The following SHTN1 variants were observed in gnomAD, a reference collection of about 807,000 sequenced individuals.
SHTN1 encodes the protein shootin-1.
In SHTN1, 42 loss-of-function variants were observed where a neutral mutation model predicts 83.1. That is an observed-to-expected ratio of 0.51 (90% confidence interval 0.39 to 0.65). The LOEUF is 0.65. Ranked by LOEUF, SHTN1 falls within the 30% of genes least tolerant of loss-of-function variation. The pLI is 0.00. For missense variants in SHTN1, 622 were observed against 737.8 expected, an observed-to-expected ratio of 0.84 and a Z score of 1.82; for synonymous variants, 224 against 247.7, an observed-to-expected ratio of 0.90 and a Z score of 0.90.
intron 3 of SHTN1, among the ~76,000 whole-genome samples, chr10:116,967,627 A>G (rs191346999): frequency 1.1e-3 from 165 of 152,240 alleles, no homozygotes; most frequent in Admixed American, 3.4e-3. Flanking sequence ...ACGTAACGTA[A>G]GATCTACCCT....
At chr10:116,893,987 A>C (rs1372926797) in intron 16 of SHTN1, among the ~76,000 whole-genome samples, 1 of 152,230 alleles carries the variant, frequency 6.6e-6, no homozygotes, top group East Asian at 1.9e-4. Context: ...TTTCTACATT[A>C]GTTTCACATC....
upstream of SHTN1, chr10:117,005,379 C>A: frequency 1.7e-6 from 2 of 1,187,954 alleles, no homozygotes; most frequent in Non-Finnish European, 2.1e-6. Flanking sequence ...GCTGCCGGCG[C>A]GGCAGGACGC....
At chr10:117,025,321 T>C (rs529727460) in intron 2 of SHTN1, among the ~76,000 whole-genome samples, 1 of 152,316 alleles carries the variant, frequency 6.6e-6, no homozygotes, top group East Asian at 1.9e-4. Flanking sequence ...ACTCAGCTGA[T>C]GCTCACCCAT....
chr10:116,979,049 C>A (rs939464396), intron 2 of SHTN1, among the ~76,000 whole-genome samples: 1 of 152,204 alleles, frequency 6.6e-6, no homozygotes, highest in Non-Finnish European at 1.5e-5. Flanking sequence ...CAGAGCTGCA[C>A]CCACTGTGGC....
intron 15 of SHTN1, among the ~76,000 whole-genome samples, chr10:116,904,896 A>G (rs1847900422): frequency 6.6e-6 from 1 of 152,198 alleles, no homozygotes; most frequent in Admixed American, 6.5e-5. Flanking sequence ...GCACATCAAC[A>G]AAGTCCTTAA....
intron 16 of SHTN1, among the ~76,000 whole-genome samples, chr10:116,899,688 G>C (rs888950902): frequency 1.3e-5 from 2 of 152,160 alleles, no homozygotes; most frequent in African/African-American, 2.4e-5. Context: ...TGTTGCCACA[G>C]ACAAAATAGA....
chr10:117,110,109 C>T (rs528909390), intron 1 of SHTN1, among the ~76,000 whole-genome samples: 1 of 152,296 alleles, frequency 6.6e-6, no homozygotes, highest in African/African-American at 2.4e-5. Flanking sequence ...TAACATCTCT[C>T]ATATCCCTCA....
chr10:116,997,204 A>C (rs1159645062), intron 1 of SHTN1, among the ~76,000 whole-genome samples: 1 of 152,178 alleles, frequency 6.6e-6, no homozygotes, highest in Non-Finnish European at 1.5e-5. Flanking sequence ...GTTTCCCCAT[A>C]AACTCACCTT....
chr10:117,099,003 T>A (rs922026937), intron 1 of SHTN1, among the ~76,000 whole-genome samples: 5 of 50,258 alleles, frequency 9.9e-5, no homozygotes, highest in Non-Finnish European at 2.2e-4. Flanking sequence ...GAAAATGTGG[T>A]ATGTATACAC....
chr10:116,932,024 C>A lies in SHTN1; in HGVS notation c.859-2022G>T, dbSNP rs536510365. On this transcript the variant is annotated intron_variant, in intron 9 of 16. Coordinates refer to ENST00000355371, the MANE Select transcript of SHTN1 (RefSeq NM_001127211.3). Reference sequence around the variant, plus strand: ...GGTTTGAGATAGTTTTTCGACTTTACAATGGTGTGAAAGCGACATGCATTC... The same window carrying A: ...GGTTTGAGATAGTTTTTCGACTTTAAAATGGTGTGAAAGCGACATGCATTC... 7.4e-4 allele frequency among the ~76,000 whole-genome samples: 112 copies of A among 152,308 alleles called. 2 individuals carry two copies. The South Asian group carries it at 0.022, about 30-fold the overall frequency.
At chr10:116,932,903 C>A (rs972400832) in intron 9 of SHTN1, among the ~76,000 whole-genome samples, 1 of 152,140 alleles carries the variant, frequency 6.6e-6, no homozygotes, top group Non-Finnish European at 1.5e-5. Context: ...GTTCTAGGCA[C>A]GTATTATTTA....
intron 3 of SHTN1, among the ~76,000 whole-genome samples, chr10:116,966,355 CTG>C (rs966069132): frequency 1.3e-5 from 2 of 152,186 alleles, no homozygotes; most frequent in Non-Finnish European, 1.5e-5. Context: ...AGTTGGCACT[CTG>C]TTGTTCTGTG....
intron 1 of SHTN1, among the ~76,000 whole-genome samples, chr10:117,049,652 T>C (rs1382914263): frequency 2.0e-5 from 3 of 152,194 alleles, no homozygotes; most frequent in African/African-American, 7.2e-5. Context: ...ACAGATAGTC[T>C]AGTACTATTC....
intron 1 of SHTN1, among the ~76,000 whole-genome samples, chr10:117,123,817 G>A (rs1029016265): frequency 6.6e-6 from 1 of 150,662 alleles, no homozygotes; most frequent in Admixed American, 6.7e-5. Flanking sequence ...GCTGAGACAC[G>A]AGAACTGCTT....
intron 1 of SHTN1, among the ~76,000 whole-genome samples, chr10:117,085,944 G>A (rs1204310911): frequency 2.8e-5 from 3 of 108,314 alleles, no homozygotes; most frequent in African/African-American, 9.7e-5. Flanking sequence ...TTTTTGAGAC[G>A]GAGTCTCGCT....
At chr10:117,098,512 C>T (rs752266118) in intron 1 of SHTN1, among the ~76,000 whole-genome samples, 6 of 151,994 alleles carry the variant, frequency 3.9e-5, no homozygotes, top group Admixed American at 6.6e-5. Context: ...TGACAACAAT[C>T]CTCAAAGTGA....
chr10:116,976,099 T>G (rs1564909120), intron 2 of SHTN1, among the ~76,000 whole-genome samples: 5 of 152,168 alleles, frequency 3.3e-5, no homozygotes, highest in African/African-American at 1.2e-4. Context: ...TCTGCCATGG[T>G]CTGTGTAACA....
chr10:116,965,904 T>G (rs1850373874), intron 3 of SHTN1, among the ~76,000 whole-genome samples: 1 of 152,218 alleles, frequency 6.6e-6, no homozygotes, highest in Non-Finnish European at 1.5e-5. Flanking sequence ...CCTATTCCCT[T>G]CCAAATCTGA....
intron 11 of SHTN1, among the ~76,000 whole-genome samples, chr10:116,922,958 C>T (rs1848615183): frequency 6.7e-6 from 1 of 150,054 alleles, no homozygotes; most frequent in African/African-American, 2.5e-5. Flanking sequence ...AAAAGCAAAA[C>T]TCCATCTCAA....
Sources: gnomAD v4.1 joint callset for allele counts (sites outside exome capture counted in the v4.1 genomes callset) on GRCh38, gnomAD v4.1.1 for gene constraint, MANE v1.5 for transcripts, NCBI Gene and HGNC (gene_info 2026-07-23, HGNC 2026-07-21) for gene names.